NIBAN1: variants seen among roughly 807,000 people sequenced by gnomAD.
The protein encoded by NIBAN1 is niban apoptosis regulator 1, also known as protein Niban 1.
In NIBAN1, 81 loss-of-function variants were observed where a neutral mutation model predicts 75.1. The observed-to-expected ratio is 1.08, with a 90% CI of 0.90 to 1.30. The LOEUF (loss-of-function observed/expected upper bound fraction) is 1.30, where lower values mean the gene tolerates loss of function less well. NIBAN1 is among the 50% of genes most tolerant of loss of function. The pLI is 0.00. For synonymous variants in NIBAN1, 436 were observed against 424.8 expected (o/e 1.03, Z -0.32); for missense variants, 1,133 against 1,128.1 (o/e 1.00, Z -0.06).
intron 5 of NIBAN1, among the ~76,000 whole-genome samples, chr1:184,844,904 T>C (rs1655394226): frequency 6.6e-6 from 1 of 152,170 alleles, no homozygotes; most frequent in Non-Finnish European, 1.5e-5. Flanking sequence ...GCCCTCTCCT[T>C]AGATTTGGAG....
intron 1 of NIBAN1, among the ~76,000 whole-genome samples, chr1:184,907,761 T>C (rs1412748603): frequency 6.6e-6 from 1 of 152,214 alleles, no homozygotes; most frequent in East Asian, 1.9e-4. Context: ...TGTATGTGTG[T>C]TTTTAAAGCA....
chr1:184,927,878 C>A (rs968860366), intron 1 of NIBAN1, among the ~76,000 whole-genome samples: 1 of 151,874 alleles, frequency 6.6e-6, no homozygotes, highest in Non-Finnish European at 1.5e-5. Flanking sequence ...AAGACCAAAT[C>A]TTTTACACTC....
chr1:184,827,783 C>G (rs980014603), intron 6 of NIBAN1, among the ~76,000 whole-genome samples: 3 of 151,828 alleles, frequency 2.0e-5, no homozygotes, highest in Non-Finnish European at 2.9e-5. Flanking sequence ...AGAGACCACC[C>G]TCCTTCCTGA....
At chr1:184,883,045 C>T (rs1319810686) in intron 5 of NIBAN1, among the ~76,000 whole-genome samples, 1 of 152,148 alleles carries the variant, frequency 6.6e-6, no homozygotes, top group Non-Finnish European at 1.5e-5. Context: ...CCCATCAATA[C>T]ACAGCTAAAA....
chr1:184,966,695 T>C (rs1393415334), intron 1 of NIBAN1, among the ~76,000 whole-genome samples: 1 of 152,194 alleles, frequency 6.6e-6, no homozygotes. Flanking sequence ...GTATTTGCCT[T>C]ATAATGATTC....
chr1:184,964,955 A>G (rs1658742510), intron 1 of NIBAN1, among the ~76,000 whole-genome samples: 1 of 152,210 alleles, frequency 6.6e-6, no homozygotes. Flanking sequence ...TCAATGGAAC[A>G]GCTACTAACA....
intron 1 of NIBAN1, among the ~76,000 whole-genome samples, chr1:184,947,356 G>A (rs1387633354): frequency 6.6e-6 from 1 of 152,156 alleles, no homozygotes; most frequent in Non-Finnish European, 1.5e-5. Context: ...TTCATAGATG[G>A]AAAGTGAAAT....
At chr1:184,865,442 C>T (rs1244242020) in intron 5 of NIBAN1, among the ~76,000 whole-genome samples, 5 of 151,990 alleles carry the variant, frequency 3.3e-5, no homozygotes, top group Non-Finnish European at 5.9e-5. Context: ...CAACAATACA[C>T]GGGACTATAG....
Position 184,903,275 on chromosome 1 carries a change from A to G in NIBAN1, c.56-3966T>C, listed in dbSNP as rs562066776. Reference sequence around the variant, plus strand: ...GTATCTCTAATCCTACTTGTTTATTACAGCTTGTGCTGGGCATTGCGTTAG... The same window carrying G: ...GTATCTCTAATCCTACTTGTTTATTGCAGCTTGTGCTGGGCATTGCGTTAG... On this transcript the variant is annotated intron_variant, in intron 1 of 13. Coordinates refer to ENST00000367511, the MANE Select transcript of NIBAN1 (RefSeq NM_052966.4). Among the ~76,000 whole-genome samples the G allele has an allele frequency of 2.0e-5, 3 of 152,330 alleles. No individual in the cohort carries two copies. The South Asian group carries it at 6.2e-4, about 32-fold the overall frequency.
Position 184,803,615 on chromosome 1 carries a change from C to T in NIBAN1, c.1524G>A (p.Val508=). 1.2e-6 allele frequency: 2 copies of T among 1,614,202 alleles called. No individual in the cohort carries two copies. The highest frequency in any genetic ancestry group is 2.2e-5 in the South Asian group (2 of 91,086). ...TGCATGTGGACGCCAGTGCCTTCTGCACAGTGGGAAGTGTGATTTGAACTA... is the reference window on the plus strand; with the variant it reads ...TGCATGTGGACGCCAGTGCCTTCTGTACAGTGGGAAGTGTGATTTGAACTA... The part of the protein sequence containing the change: ...EALVQITLPT[V]QKALASTCKP... Residue 508 remains valine, a synonymous_variant, in exon 12 of 14, where the codon GTG becomes GTA. Transcript: ENST00000367511.
intron 5 of NIBAN1, among the ~76,000 whole-genome samples, chr1:184,832,722 G>A (rs547990872): frequency 2.0e-5 from 3 of 152,196 alleles, no homozygotes; most frequent in South Asian, 4.2e-4. Context: ...AAACATACTG[G>A]ATTTTAAATG....
intron 5 of NIBAN1, among the ~76,000 whole-genome samples, chr1:184,854,738 T>C (rs540044267): frequency 5.6e-4 from 85 of 152,322 alleles, no homozygotes; most frequent in African/African-American, 1.9e-3. Context: ...GCCTCTACTT[T>C]CCACCAAAAA....
At chr1:184,817,902 TG>T (rs1654583408) in intron 9 of NIBAN1, among the ~76,000 whole-genome samples, 1 of 152,266 alleles carries the variant, frequency 6.6e-6, no homozygotes, top group South Asian at 2.1e-4. Context: ...CATAGACTGC[TG>T]AATGTTCAAA....
chr1:184,879,458 T>C (rs1656319699), intron 5 of NIBAN1, among the ~76,000 whole-genome samples: 1 of 152,120 alleles, frequency 6.6e-6, no homozygotes, highest in South Asian at 2.1e-4. Context: ...ATATTTTCAG[T>C]TATAATTGAT....
chr1:184,842,723 C>T (rs979228742), intron 5 of NIBAN1, among the ~76,000 whole-genome samples: 2 of 148,124 alleles, frequency 1.4e-5, no homozygotes, highest in African/African-American at 5.0e-5. Flanking sequence ...TTTGCACGAT[C>T]GTGCCATTGC....
Position 184,795,865 on chromosome 1 carries a change from C to G in NIBAN1, c.1899G>C (p.Ser633=), listed in dbSNP as rs115031353. Residue 633 remains serine (S), a synonymous_variant, in exon 14 of 14, where the codon TCG becomes TCC. Coordinates refer to ENST00000367511, the MANE Select transcript of NIBAN1 (RefSeq NM_052966.4). The stretch of plus-strand genomic sequence containing the variant: ...GAGAAAGGCTTTCTCCTTTGGCCAA[C>G]GAGCTAGGGACCTCAGGCTGCTTCT... ...EEEKQPEVPS[S]LAKGESLSLP... is the part of the protein sequence containing the mutation. 1 of 1,611,520 alleles carries G rather than the reference C, an allele frequency of 6.2e-7. No homozygotes were observed. Among genetic ancestry groups the G allele is most frequent in the African/African-American group, 1.3e-5 (1 of 74,932 alleles).
intron 1 of NIBAN1, among the ~76,000 whole-genome samples, chr1:184,917,501 G>A (rs929132899): frequency 2.0e-5 from 3 of 150,536 alleles, no homozygotes; most frequent in Non-Finnish European, 4.4e-5. Context: ...GAGCCACCCT[G>A]CCCGGCCGGT....
At chr1:184,904,124 G>A (rs1304090604) in intron 1 of NIBAN1, among the ~76,000 whole-genome samples, 2 of 151,994 alleles carry the variant, frequency 1.3e-5, no homozygotes, top group African/African-American at 2.4e-5. Flanking sequence ...TCAAACTTCT[G>A]ACCTCAAGTG....
At chr1:184,893,105 G>A (rs1656714451) in intron 3 of NIBAN1, among the ~76,000 whole-genome samples, 2 of 152,168 alleles carry the variant, frequency 1.3e-5, no homozygotes, top group African/African-American at 4.8e-5. Flanking sequence ...AGGCCAGAGA[G>A]CAGAGTTTTA....
Sources: allele counts gnomAD v4.1 joint callset (sites outside exome capture counted in the v4.1 genomes callset), GRCh38; gene constraint gnomAD v4.1.1; transcripts MANE v1.5; gene names NCBI Gene and HGNC (gene_info 2026-07-23, HGNC 2026-07-21).